The following CNTN1 variants were observed in gnomAD, a reference collection of about 807,000 sequenced individuals.
CNTN1 encodes contactin-1.
A neutral mutation model predicts 126.4 loss-of-function variants in CNTN1; 38 were observed. The observed-to-expected ratio is 0.30, with a 90% confidence interval of 0.23 to 0.39. CNTN1 has a LOEUF of 0.39. CNTN1 is among the 10% of genes least tolerant of loss of function. The probability of loss-of-function intolerance (pLI) is 1.00; values close to 1 mark genes in which losing one functional copy is unlikely to be tolerated. For missense variants in CNTN1, 1,009 were observed against 1,248.4 expected, an observed-to-expected ratio of 0.81 and a Z score of 2.89; for synonymous variants, 413 against 422.6, an observed-to-expected ratio of 0.98 and a Z score of 0.28.
intron 1 of CNTN1, among the ~76,000 whole-genome samples, chr12:40,838,002 C>T (rs1398554860): frequency 1.3e-5 from 2 of 152,170 alleles, no homozygotes; most frequent in African/African-American, 4.8e-5. Flanking sequence ...GCTGCTACTG[C>T]TTCTCCCCGG....
chr12:40,778,941 A>G (rs4768310), intron 1 of CNTN1, among the ~76,000 whole-genome samples: 150,226 of 151,704 alleles, frequency 0.99, 74,394 homozygotes, highest in Middle Eastern at 1. Context: ...TGCCTACTTC[A>G]TTCATTAAAT....
chr12:40,761,961 G>T (rs560057699), intron 1 of CNTN1, among the ~76,000 whole-genome samples: 1 of 151,954 alleles, frequency 6.6e-6, no homozygotes, highest in Non-Finnish European at 1.5e-5. Flanking sequence ...TGGCAATGCA[G>T]GATAACTGAT....
intron 1 of CNTN1, among the ~76,000 whole-genome samples, chr12:40,845,084 AG>A (rs1400033644): frequency 6.6e-6 from 1 of 152,224 alleles, no homozygotes; most frequent in African/African-American, 2.4e-5. Context: ...GTGCCCATTG[AG>A]ATATGCTCAG....
chr12:40,719,452 C>G (rs1245873437), intron 1 of CNTN1, among the ~76,000 whole-genome samples: 1 of 152,120 alleles, frequency 6.6e-6, no homozygotes, highest in Admixed American at 6.5e-5. Flanking sequence ...AATTAGTTGT[C>G]CTTCTTAACC....
rs1174395233 is a variant in CNTN1 at position 40,975,558 on chromosome 12, G to A, written c.1805-5351G>A. ...CTTTGATAGATCATTATTTTTGTAT[G>A]CCCCATAGGTGAAATTTTATGGAAC... On this transcript the variant is annotated intron_variant, in intron 15 of 23. Transcript: ENST00000551295. Among the ~76,000 whole-genome samples, 3 of 152,122 alleles carry A rather than the reference G, an allele frequency of 2.0e-5. No homozygotes were observed. The East Asian group carries it at 5.8e-4, about 29-fold the overall frequency.
At chr12:40,740,195 G>A (rs1417002459) in intron 1 of CNTN1, among the ~76,000 whole-genome samples, 1 of 152,068 alleles carries the variant, frequency 6.6e-6, no homozygotes, top group Admixed American at 6.6e-5. Flanking sequence ...AGAGGAGTAT[G>A]TAAATAATCA....
In CNTN1 at chr12:40,925,476, A is replaced by G. The variant is rs1367437448; in HGVS notation, c.496+824A>G. On this transcript the variant is annotated intron_variant, in intron 6 of 23. Coordinates refer to ENST00000551295, the MANE Select transcript of CNTN1 (RefSeq NM_001843.4). ...ATCAATCTGATGTGTGTGTATGTACATATACACACACATATATTTCACACA... is the reference window on the plus strand; with the variant it reads ...ATCAATCTGATGTGTGTGTATGTACGTATACACACACATATATTTCACACA... Among the ~76,000 whole-genome samples, 7 of 151,010 alleles carry G rather than the reference A, an allele frequency of 4.6e-5. No homozygotes were observed. The East Asian group carries it at 1.2e-3, about 25-fold the overall frequency.
rs557188152 is a variant in CNTN1, at chr12:40,893,389, A to G, written c.-76-14968A>G. Among the ~76,000 whole-genome samples the G allele has an allele frequency of 2.0e-5, 3 of 152,262 alleles. No homozygotes were observed. In the South Asian group the frequency reaches 6.2e-4, roughly 32 times the overall value. On this transcript the variant is annotated intron_variant, in intron 1 of 23. Transcript: ENST00000551295. ...AATTAGTTAACAAAAATAAAAGAGGACAAATTTCTGCATTCTTCAACCTCC... is the reference window on the plus strand; with the variant it reads ...AATTAGTTAACAAAAATAAAAGAGGGCAAATTTCTGCATTCTTCAACCTCC...
chr12:40,967,914 A>G (rs1317876814), intron 15 of CNTN1, among the ~76,000 whole-genome samples: 3 of 150,580 alleles, frequency 2.0e-5, no homozygotes, highest in Non-Finnish European at 4.4e-5. Context: ...ATATAATGAC[A>G]GAATGTAACT....
intron 16 of CNTN1, among the ~76,000 whole-genome samples, chr12:40,982,467 A>C (rs1566086809): frequency 6.6e-6 from 1 of 152,174 alleles, no homozygotes; most frequent in South Asian, 2.1e-4. Flanking sequence ...AATCATTTTC[A>C]TTATTTATGT....
chr12:41,000,985 AG>A (rs1196623906), intron 17 of CNTN1, among the ~76,000 whole-genome samples: 1 of 152,198 alleles, frequency 6.6e-6, no homozygotes, highest in Non-Finnish European at 1.5e-5. Flanking sequence ...ATGGCTGCAT[AG>A]TATTCCATGG....
At chr12:40,961,423 G>T (rs1020141479) in intron 15 of CNTN1, among the ~76,000 whole-genome samples, 2 of 151,892 alleles carry the variant, frequency 1.3e-5, no homozygotes, top group African/African-American at 2.4e-5. Context: ...TTAAACAGTT[G>T]TTTTTATTTT....
intron 1 of CNTN1, among the ~76,000 whole-genome samples, chr12:40,822,316 G>A (rs1041372984): frequency 2.0e-5 from 3 of 151,522 alleles, no homozygotes; most frequent in East Asian, 1.9e-4. Flanking sequence ...CACCATGCCC[G>A]GCTAATTTTT....
chr12:40,725,401 C>CAAAAAAAAAAAAAAAAAAAAAAAGAAAA (rs34242859), intron 1 of CNTN1, among the ~76,000 whole-genome samples: 1 of 45,330 alleles, frequency 2.2e-5, no homozygotes, highest in Non-Finnish European at 4.0e-5. Flanking sequence ...AACTCTGTCT[C>CAAAAAAAAAAAAAAAAAAAAAAAGAAAA]AAAAAAAAAA....
chr12:40,852,014 A>G (rs987361756), intron 1 of CNTN1, among the ~76,000 whole-genome samples: 1 of 152,140 alleles, frequency 6.6e-6, no homozygotes, highest in Non-Finnish European at 1.5e-5. Context: ...GGTGGTCTCA[A>G]CTGGCTTGAA....
intron 14 of CNTN1, among the ~76,000 whole-genome samples, chr12:40,954,437 C>T (rs1269070953): frequency 6.6e-6 from 1 of 151,878 alleles, no homozygotes; most frequent in Non-Finnish European, 1.5e-5. Flanking sequence ...CCAAGAAAAA[C>T]TCATATTTAC....
intron 17 of CNTN1, among the ~76,000 whole-genome samples, chr12:40,993,914 T>G (rs948351599): frequency 1.3e-5 from 2 of 152,134 alleles, no homozygotes; most frequent in African/African-American, 4.8e-5. Context: ...GAGTCCAGAG[T>G]GTTCACCATT....
chr12:40,733,623 C>T (rs1441810623), intron 1 of CNTN1, among the ~76,000 whole-genome samples: 3 of 151,720 alleles, frequency 2.0e-5, no homozygotes, highest in South Asian at 2.1e-4. Flanking sequence ...GTTTGTTCAA[C>T]GTTGAACTAG....
intron 1 of CNTN1, among the ~76,000 whole-genome samples, chr12:40,888,345 T>G (rs1944125640): frequency 6.6e-6 from 1 of 152,148 alleles, no homozygotes. Context: ...ATATTTCTAA[T>G]TACCCATATT....
Sources: allele counts gnomAD v4.1 joint callset (sites outside exome capture counted in the v4.1 genomes callset), GRCh38; gene constraint gnomAD v4.1.1; transcripts MANE v1.5; gene names NCBI Gene and HGNC (gene_info 2026-07-23, HGNC 2026-07-21).